The following SMC2 variants were observed in gnomAD, a reference collection of about 807,000 sequenced individuals.
SMC2 encodes structural maintenance of chromosomes 2.
Under a neutral mutation model 142.6 loss-of-function variants are expected in SMC2, and 41 were observed. The ratio of observed to expected loss-of-function variants is 0.29; its 90% confidence interval spans 0.22 to 0.37. The LOEUF is 0.37. Ranked by LOEUF, SMC2 falls within the 10% of genes least tolerant of loss-of-function variation. The pLI, the probability that SMC2 is intolerant of heterozygous loss-of-function variation, is 1.00. For synonymous variants in SMC2, 463 were observed against 457.5 expected, an observed-to-expected ratio of 1.01 and a Z score of -0.15; for missense variants, 1,265 against 1,373.7, an observed-to-expected ratio of 0.92 and a Z score of 1.25.
intron 21 of SMC2, among the ~76,000 whole-genome samples, 153 bp from the exon 22 acceptor site, chr9:104,131,856 G>GTA (rs1835011367): frequency 6.6e-6 from 1 of 151,948 alleles, no homozygotes; most frequent in East Asian, 1.9e-4. Context: ...TAGTATATGA[G>GTA]TATATATAAT....
chr9:104,111,712 C>T lies in SMC2; in HGVS notation c.1152C>T (p.Ser384=), dbSNP rs540642875. Residue 384 remains serine, a synonymous_variant, in exon 10 of 25, where the codon TCC becomes TCT. Transcript: ENST00000374793. ...AAAQQHFNAV[S]AGLSSNEDGA... ...CACAGCAGCACTTCAATGCTGTTTC[C>T]GCTGGCCTGTCCAGTAATGAAGATG... 5.6e-5 allele frequency: 91 copies of T among 1,614,026 alleles called. No individual in the cohort carries two copies. The East Asian group carries it at 9.6e-4, about 17-fold the overall frequency.
intron 15 of SMC2, among the ~76,000 whole-genome samples, chr9:104,119,005 G>A (rs1833433112): frequency 6.6e-6 from 1 of 152,148 alleles, no homozygotes; most frequent in Admixed American, 6.5e-5. Flanking sequence ...GCACTACAGG[G>A]TGGCAGAGCT....
chr9:104,095,272 A>G (rs936849054), intron 1 of SMC2, 52 bp from the exon 2 acceptor site: 10 of 826,580 alleles, frequency 1.2e-5, no homozygotes, highest in Admixed American at 5.0e-5. Flanking sequence ...CGTGTTCATT[A>G]TGATTCCAGG....
intron 20 of SMC2, among the ~76,000 whole-genome samples, chr9:104,129,330 C>T (rs550930403): frequency 6.6e-6 from 1 of 152,094 alleles, no homozygotes; most frequent in South Asian, 2.1e-4. Context: ...TGGAGAAACC[C>T]CGTCTCTACT....
At position 104,113,382 on chromosome 9, in the gene SMC2, G is replaced by A. The variant is rs765098627; in HGVS notation, c.1321G>A (p.Asp441Asn). The change falls in exon 11 of 25, where the codon GAT becomes AAT. Residue 441 changes from aspartate to asparagine, a missense_variant. Coordinates refer to ENST00000374793, the MANE Select transcript of SMC2 (RefSeq NM_006444.3). ...KNKQAEVKKMDSGYRKDQEAL... is the reference protein window; with the variant it reads ...KNKQAEVKKMNSGYRKDQEAL... ...TAAACAAGCTGAAGTTAAGAAGATG[G>A]ATAGTGGCTACAGGAAGGATCAAGA... 3 of 1,611,972 alleles carry A rather than the reference G, an allele frequency of 1.9e-6. No individual in the cohort carries two copies. Among genetic ancestry groups the A allele is most frequent in the Admixed American group, 1.7e-5 (1 of 59,762 alleles).
chr9:104,100,717 T>G (rs1831018758), intron 7 of SMC2, among the ~76,000 whole-genome samples: 1 of 152,214 alleles, frequency 6.6e-6, no homozygotes, highest in East Asian at 1.9e-4. Flanking sequence ...TCCTAGTTAG[T>G]TAGCATTGAC....
At chr9:104,091,498 C>A (rs1829981062), upstream of SMC2, among the ~76,000 whole-genome samples, 1 of 152,134 alleles carries the variant, frequency 6.6e-6, no homozygotes, top group Non-Finnish European at 1.5e-5. Context: ...TGCTGCCAGG[C>A]CACTGCCCTC....
rs1256844373 is a variant in SMC2 at position 104,098,369 on chromosome 9, T to C, written c.319-77T>C. On this transcript the variant is annotated intron_variant, in intron 3 of 24. Coordinates refer to ENST00000374793, the MANE Select transcript of SMC2 (RefSeq NM_006444.3). ...GCTAGTCAGACAGAACAAATAAACGTAAGCTAATATACTTAGTTTATCCTA... is the reference window on the plus strand; with the variant it reads ...GCTAGTCAGACAGAACAAATAAACGCAAGCTAATATACTTAGTTTATCCTA... 4.5e-5 allele frequency: 54 copies of C among 1,209,024 alleles called. 1 individual carries two copies. In the South Asian group the frequency reaches 5.5e-4, roughly 12 times the overall value. The allele number at this position is 1,209,024 out of a possible 1,614,324, so 74.9% of individuals were successfully genotyped here.
In SMC2 at chr9:104,125,113, CTTCTT is replaced by C; in HGVS notation, c.2451+11_2451+15del. The stretch of plus-strand genomic sequence containing the variant: ...ATGAAAGAAAAACAACAGGTAATAA[CTTCTT>C]TTTGAAATTGAACCAACCTTTTAAA... On this transcript the variant is annotated intron_variant, in intron 18 of 24. Coordinates refer to ENST00000374793, the MANE Select transcript of SMC2 (RefSeq NM_006444.3). 6.4e-7 allele frequency: 1 copy of C among 1,562,340 alleles called. No individual in the cohort carries two copies. Among genetic ancestry groups the C allele is most frequent in the Non-Finnish European group, 8.6e-7 (1 of 1,162,078 alleles).
At position 104,120,240 on chromosome 9, in the gene SMC2, AAT is replaced by A. The variant is rs1235452432; in HGVS notation, c.2132+80_2132+81del. 9 of 1,295,190 alleles carry A rather than the reference AAT, an allele frequency of 6.9e-6. No individual in the cohort carries two copies. In the Admixed American group the frequency reaches 2.4e-4, roughly 34 times the overall value. 80.2% of individuals were successfully genotyped at this position (1,295,190 alleles called of 1,614,324 possible). On this transcript the variant is annotated intron_variant, in intron 16 of 24. Coordinates refer to ENST00000374793, the MANE Select transcript of SMC2 (RefSeq NM_006444.3). ...TAGAAAATTTACTTTTATTTCAAGA[AAT>A]ACAGCTTCTGACTTTTCTCATATTT...
At chr9:104,115,936 T>C (rs1833058258) in intron 13 of SMC2, among the ~76,000 whole-genome samples, 1 of 152,138 alleles carries the variant, frequency 6.6e-6, no homozygotes, top group African/African-American at 2.4e-5. Flanking sequence ...AAAGATTCCA[T>C]GTACAAGTGA....
intron 24 of SMC2, 57 bp from the exon 25 acceptor site, chr9:104,139,082 G>A: frequency 8.2e-7 from 1 of 1,223,884 alleles, no homozygotes; most frequent in East Asian, 2.6e-5. Flanking sequence ...GTATAAAGGA[G>A]TAAACTTCAA....
rs757293151 is a variant in SMC2, at chr9:104,102,034, T to C, written c.711T>C (p.Tyr237=). 7 of 1,613,284 alleles carry C rather than the reference T, an allele frequency of 4.3e-6. No homozygotes were observed. The South Asian group carries it at 7.7e-5, about 18-fold the overall frequency. ...ATTTGAGTCGTTTATATATTGCTTATCAGTTTTTGCTGGCTGAAGATACCA... is the reference window on the plus strand; with the variant it reads ...ATTTGAGTCGTTTATATATTGCTTACCAGTTTTTGCTGGCTGAAGATACCA... ...IEHLSRLYIA[Y]QFLLAEDTKV... Residue 237 remains tyrosine, a synonymous_variant, in exon 8 of 25, where the codon TAT becomes TAC. Coordinates refer to ENST00000374793, the MANE Select transcript of SMC2 (RefSeq NM_006444.3).
At chr9:104,113,847 CTT>C in intron 11 of SMC2, 115 bp from the exon 12 acceptor site, 1 of 636,724 alleles carries the variant, frequency 1.6e-6, no homozygotes, top group South Asian at 2.6e-5. Flanking sequence ...TTTTTTAATA[CTT>C]ACAGAAATTT....
In SMC2 at chr9:104,139,596, A is replaced by C. The variant is rs15532; in HGVS notation, c.*281A>C. On this transcript the variant is annotated 3_prime_UTR_variant, in exon 25 of 25. Coordinates refer to ENST00000374793, the MANE Select transcript of SMC2 (RefSeq NM_006444.3). The stretch of plus-strand genomic sequence containing the variant: ...TATATTAGGGATCCTGAGATACCCG[A>C]TTCTATATGTAAAAGCTAATATACA... 0.13 allele frequency: 31,773 copies of C among 235,902 alleles called. 2,607 individuals are homozygous for C. Among genetic ancestry groups the C allele is most frequent in the Non-Finnish European group, 0.16 (19,401 of 124,054 alleles). The allele number at this position is 235,902 out of a possible 1,614,324, so 14.6% of individuals were successfully genotyped here. A position where few individuals can be genotyped will look rare whatever the true frequency, so the allele number is the denominator to read the frequency against.
At chr9:104,102,597 A>G (rs747490727) in intron 9 of SMC2, 24 bp downstream of exon 9, 2 of 1,606,706 alleles carry the variant, frequency 1.2e-6, no homozygotes, top group Non-Finnish European at 1.7e-6. Flanking sequence ...ATGTGCCACT[A>G]GTGCCACTTG....
rs369190262 is a variant in SMC2 at position 104,102,437 on chromosome 9, T to C, written c.884T>C (p.Ile295Thr). ...EKRKDKETGGILRSLEDALAE... is the reference protein window; with the variant it reads ...EKRKDKETGGTLRSLEDALAE... ...ATTTTGTTATAGGAAACTGGAGGTA[T>C]ACTTCGATCTTTAGAAGATGCTCTT... The change falls in exon 9 of 25, where the codon ATA becomes ACA. Residue 295 changes from isoleucine (I) to threonine (T), a missense_variant. Physicochemically the swap from Ile to Thr is moderately conservative, Grantham distance 89 (BLOSUM62 -1). Transcript: ENST00000374793. The C allele has an allele frequency of 1.2e-6, 2 of 1,606,864 alleles. No homozygotes were observed. The highest frequency in any genetic ancestry group is 1.1e-5 in the South Asian group (1 of 89,412).
intron 9 of SMC2, among the ~76,000 whole-genome samples, chr9:104,104,208 A>C (rs1164464656): frequency 1.3e-5 from 2 of 152,212 alleles, no homozygotes; most frequent in East Asian, 3.8e-4. Flanking sequence ...AAGCAGGCTT[A>C]ACTCCCTAAA....
chr9:104,108,911 A>G (rs567982777), intron 9 of SMC2, among the ~76,000 whole-genome samples: 1 of 152,312 alleles, frequency 6.6e-6, no homozygotes, highest in East Asian at 1.9e-4. Context: ...TGGTCAGCAC[A>G]TGATCCCCTG....
Sources: gnomAD v4.1 joint callset for allele counts (sites outside exome capture counted in the v4.1 genomes callset) on GRCh38, gnomAD v4.1.1 for gene constraint, MANE v1.5 for transcripts, NCBI Gene and HGNC (gene_info 2026-07-23, HGNC 2026-07-21) for gene names.